The following ABHD17C variants were observed in gnomAD, a reference collection of about 807,000 sequenced individuals.
ABHD17C encodes abhydrolase domain containing 17C, depalmitoylase.
Under a neutral mutation model 27.9 loss-of-function variants are expected in ABHD17C, and 11 were observed. The observed-to-expected ratio is 0.39, with a 90% CI of 0.25 to 0.65. The LOEUF is 0.65. ABHD17C is among the 30% of genes least tolerant of loss of function. The pLI is 0.45. For missense variants in ABHD17C, 280 were observed against 470.2 expected (o/e 0.60, Z 3.74); for synonymous variants, 233 against 209.1 (o/e 1.11, Z -0.98).
intron 1 of ABHD17C, among the ~76,000 whole-genome samples, chr15:80,735,904 T>A (rs1229205474): frequency 6.6e-6 from 1 of 152,196 alleles, no homozygotes; most frequent in Non-Finnish European, 1.5e-5. Context: ...TGGTTTACCC[T>A]CCTTACATCC....
chr15:80,717,968 A>G (rs1894831138), intron 1 of ABHD17C, among the ~76,000 whole-genome samples: 1 of 152,230 alleles, frequency 6.6e-6, no homozygotes, highest in Admixed American at 6.5e-5. Context: ...CATGGAATAC[A>G]GAGGTCTGCC....
intron 1 of ABHD17C, among the ~76,000 whole-genome samples, chr15:80,731,222 A>G (rs1895053120): frequency 6.6e-6 from 1 of 152,178 alleles, no homozygotes; most frequent in Non-Finnish European, 1.5e-5. Context: ...TGAGTGTTCA[A>G]ATATAGAAAT....
intron 1 of ABHD17C, among the ~76,000 whole-genome samples, chr15:80,720,789 C>T (rs1225345983): frequency 5.3e-5 from 8 of 151,752 alleles, no homozygotes; most frequent in African/African-American, 1.5e-4. Context: ...GGCGTGGTGA[C>T]GGGTGCCTGT....
chr15:80,725,724 C>G lies in ABHD17C; in HGVS notation c.591-23789C>G, dbSNP rs145882545. Among the ~76,000 whole-genome samples, 13 of 152,186 alleles carry G rather than the reference C, an allele frequency of 8.5e-5. No homozygotes were observed. The East Asian group carries it at 2.5e-3, about 29-fold the overall frequency. ...ATAGAGATGTAGTCTTGCTATGTAGCCCAGGCTGGGTTTGAACTCCTGTGA... is the reference window on the plus strand; with the variant it reads ...ATAGAGATGTAGTCTTGCTATGTAGGCCAGGCTGGGTTTGAACTCCTGTGA... On this transcript the variant is annotated intron_variant, in intron 1 of 2. Transcript: ENST00000258884.
In ABHD17C at chr15:80,755,602, A is replaced by C. The variant is rs967798478; in HGVS notation, c.*1232A>C. ...GCGGCACAGTGGTTGGTAATGGAAT[A>C]AAGGATGCATGGATCAGAATGTGTG... On this transcript the variant is annotated 3_prime_UTR_variant, in exon 3 of 3. Transcript: ENST00000258884. 1 of 152,218 alleles carries C rather than the reference A, an allele frequency of 6.6e-6. No individual in the cohort carries two copies. The highest frequency in any genetic ancestry group is 2.1e-4 in the South Asian group (1 of 4,826). 9.4% of individuals were successfully genotyped at this position (152,218 alleles called of 1,614,324 possible).
chr15:80,746,900 A>G (rs144488383), intron 1 of ABHD17C, among the ~76,000 whole-genome samples: 91 of 152,340 alleles, frequency 6.0e-4, no homozygotes, highest in East Asian at 5.4e-3. Flanking sequence ...ACACTTCCTC[A>G]TAACTATGAT....
intron 1 of ABHD17C, among the ~76,000 whole-genome samples, chr15:80,697,784 T>C (rs182808039): frequency 1.4e-4 from 21 of 152,330 alleles, no homozygotes; most frequent in African/African-American, 4.8e-4. Flanking sequence ...TTATTTAATG[T>C]TATACCAGAA....
At chr15:80,716,910 G>A (rs113714132) in intron 1 of ABHD17C, among the ~76,000 whole-genome samples, 20 of 152,290 alleles carry the variant, frequency 1.3e-4, no homozygotes, top group African/African-American at 3.6e-4. Flanking sequence ...AGACAGGCCC[G>A]TAGTGCAGGT....
At chr15:80,738,950 A>G (rs1895170357) in intron 1 of ABHD17C, among the ~76,000 whole-genome samples, 1 of 152,174 alleles carries the variant, frequency 6.6e-6, no homozygotes, top group Non-Finnish European at 1.5e-5. Context: ...CTATTAATAC[A>G]AGGAAATCAA....
intron 1 of ABHD17C, among the ~76,000 whole-genome samples, chr15:80,726,704 G>A (rs1894984454): frequency 6.6e-6 from 1 of 151,710 alleles, no homozygotes; most frequent in African/African-American, 2.4e-5. Context: ...AGTAGAGATG[G>A]GGTTTCACCG....
intron 1 of ABHD17C, among the ~76,000 whole-genome samples, chr15:80,696,584 AAGT>A (rs1374096730): frequency 6.6e-6 from 1 of 152,120 alleles, no homozygotes; most frequent in East Asian, 1.9e-4. Context: ...TGGTGGGGCA[AAGT>A]AGTGGCACTG....
intron 1 of ABHD17C, among the ~76,000 whole-genome samples, chr15:80,705,333 T>TGTGTGTGTGTGTGTGTG (rs1555421865): frequency 9.4e-6 from 1 of 106,822 alleles, no homozygotes; most frequent in African/African-American, 3.5e-5. Flanking sequence ...TTCCTATGAT[T>TGTGTGTGTGTGTGTGTG]TGTGTGTGTG....
chr15:80,705,656 C>A (rs531428499), intron 1 of ABHD17C, among the ~76,000 whole-genome samples: 1 of 152,130 alleles, frequency 6.6e-6, no homozygotes. Context: ...AAAGAAGTTG[C>A]TTCTTTTCCC....
intron 1 of ABHD17C, among the ~76,000 whole-genome samples, chr15:80,733,300 T>A (rs1200439895): frequency 6.6e-6 from 1 of 152,134 alleles, no homozygotes; most frequent in Non-Finnish European, 1.5e-5. Context: ...CATGTCTGGG[T>A]ACAGGGCCTC....
Position 80,754,349 on chromosome 15 carries a change from T to C in ABHD17C, c.969T>C (p.Ser323=). 1 of 1,613,096 alleles carries C rather than the reference T, an allele frequency of 6.2e-7. No homozygotes were observed. The highest frequency in any genetic ancestry group is 8.5e-7 in the Non-Finnish European group (1 of 1,179,408). Reference sequence around the variant, plus strand: ...TAGAAAGACTAAAACAGTTCATATCTCACGAACTTCCTAATTCCTGAAGAC... The same window carrying C: ...TAGAAAGACTAAAACAGTTCATATCCCACGAACTTCCTAATTCCTGAAGAC... ...QYLERLKQFI[S]HELPNS Residue 323 remains serine (S), a synonymous_variant, in exon 3 of 3, where the codon TCT becomes TCC. Coordinates refer to ENST00000258884, the MANE Select transcript of ABHD17C (RefSeq NM_021214.2).
chr15:80,729,201 C>T lies in ABHD17C; in HGVS notation c.591-20312C>T, dbSNP rs1274996165. ...TTCTCTATTTCTGGTTCCTGGGAGG[C>T]CTCACAGAGAGAACCTAGCCAGCAT... On this transcript the variant is annotated intron_variant, in intron 1 of 2. Coordinates refer to ENST00000258884, the MANE Select transcript of ABHD17C (RefSeq NM_021214.2). Among the ~76,000 whole-genome samples, 4 of 152,224 alleles carry T rather than the reference C, an allele frequency of 2.6e-5. No individual in the cohort carries two copies. The East Asian group carries it at 5.8e-4, about 22-fold the overall frequency.
intron 1 of ABHD17C, among the ~76,000 whole-genome samples, chr15:80,744,229 GA>G (rs1207640752): frequency 6.6e-6 from 1 of 152,040 alleles, no homozygotes; most frequent in East Asian, 1.9e-4. Context: ...CACTGAATCA[GA>G]ATTAATAAGT....
At chr15:80,719,782 G>T (rs1894865729) in intron 1 of ABHD17C, among the ~76,000 whole-genome samples, 1 of 152,078 alleles carries the variant, frequency 6.6e-6, no homozygotes, top group Middle Eastern at 3.4e-3. Context: ...TACATTTCCT[G>T]AATTTTGTGA....
chr15:80,700,736 C>CA (rs769539953), intron 1 of ABHD17C, among the ~76,000 whole-genome samples: 17 of 152,016 alleles, frequency 1.1e-4, no homozygotes, highest in Non-Finnish European at 2.4e-4. Context: ...CCCATCTCTA[C>CA]AAAAAATTTT....
Sources: allele counts gnomAD v4.1 joint callset (sites outside exome capture counted in the v4.1 genomes callset), GRCh38; gene constraint gnomAD v4.1.1; transcripts MANE v1.5; gene names NCBI Gene and HGNC (gene_info 2026-07-23, HGNC 2026-07-21).